Variants in SORCS3 observed in about 807,000 individuals in gnomAD.
SORCS3 encodes the protein sortilin related VPS10 domain containing receptor 3.
A neutral mutation model predicts 146.3 loss-of-function variants in SORCS3; 57 were observed. That is an observed-to-expected ratio of 0.39 (90% CI 0.31 to 0.49). The LOEUF is 0.49. Among genes scored for constraint, SORCS3 ranks in the 20% least tolerant of loss-of-function variants. The pLI, the probability that SORCS3 is intolerant of heterozygous loss-of-function variation, is 0.92. For synonymous variants in SORCS3, 653 were observed against 618.5 expected, an observed-to-expected ratio of 1.06 and a Z score of -0.83; for missense variants, 1,341 against 1,575.5, an observed-to-expected ratio of 0.85 and a Z score of 2.52.
At chr10:104,874,547 G>C (rs1026888191) in intron 2 of SORCS3, among the ~76,000 whole-genome samples, 10 of 151,994 alleles carry the variant, frequency 6.6e-5, no homozygotes, top group African/African-American at 2.4e-4. Flanking sequence ...AACTATAGGG[G>C]CCCTCTGGAA....
At chr10:104,735,118 C>T (rs2133455337) in intron 1 of SORCS3, among the ~76,000 whole-genome samples, 1 of 152,306 alleles carries the variant, frequency 6.6e-6, no homozygotes, top group Middle Eastern at 3.4e-3. Flanking sequence ...AAGAGAAGGG[C>T]TCCCAGAGGG....
intron 1 of SORCS3, among the ~76,000 whole-genome samples, chr10:104,789,588 A>G (rs985091883): frequency 6.6e-6 from 1 of 152,220 alleles, no homozygotes; most frequent in African/African-American, 2.4e-5. Flanking sequence ...CCCTCTTCTC[A>G]GGATGTAGTT....
At chr10:105,014,874 C>T (rs1452717698) in intron 4 of SORCS3, among the ~76,000 whole-genome samples, 1 of 152,184 alleles carries the variant, frequency 6.6e-6, no homozygotes, top group Non-Finnish European at 1.5e-5. Flanking sequence ...CAAATGGGCC[C>T]TCACTAGACA....
At chr10:105,044,523 T>G (rs1435587911) in intron 5 of SORCS3, among the ~76,000 whole-genome samples, 1 of 152,174 alleles carries the variant, frequency 6.6e-6, no homozygotes, top group Non-Finnish European at 1.5e-5. Context: ...CTTAGGGATG[T>G]GCTGTGTGTG....
At chr10:104,744,707 C>T (rs940930637) in intron 1 of SORCS3, among the ~76,000 whole-genome samples, 4 of 152,142 alleles carry the variant, frequency 2.6e-5, no homozygotes, top group Admixed American at 6.5e-5. Context: ...ATCTGGACTC[C>T]GCCTCCATAC....
intron 3 of SORCS3, among the ~76,000 whole-genome samples, chr10:104,956,123 C>G (rs533004642): frequency 6.6e-5 from 10 of 152,254 alleles, no homozygotes; most frequent in African/African-American, 2.4e-4. Flanking sequence ...ATTTGGGGAA[C>G]TGTGATTTAG....
At chr10:104,885,493 T>G (rs2018673340) in intron 2 of SORCS3, among the ~76,000 whole-genome samples, 1 of 152,212 alleles carries the variant, frequency 6.6e-6, no homozygotes, top group Non-Finnish European at 1.5e-5. Context: ...ACTTTTAAAG[T>G]ACATCTTTAT....
chr10:104,913,557 G>A (rs2018992225), intron 2 of SORCS3, among the ~76,000 whole-genome samples: 1 of 152,148 alleles, frequency 6.6e-6, no homozygotes, highest in African/African-American at 2.4e-5. Flanking sequence ...ATTGATATTT[G>A]TTTATTCAGT....
intron 1 of SORCS3, among the ~76,000 whole-genome samples, chr10:104,835,534 C>A (rs1390756111): frequency 6.6e-6 from 1 of 152,176 alleles, no homozygotes; most frequent in Non-Finnish European, 1.5e-5. Context: ...ATTAAAGGTC[C>A]TCACTTCACT....
intron 4 of SORCS3, among the ~76,000 whole-genome samples, chr10:105,035,883 G>A (rs1421742551): frequency 2.0e-5 from 3 of 152,168 alleles, no homozygotes; most frequent in African/African-American, 4.8e-5. Flanking sequence ...TGAAAACCAG[G>A]TGTGCATCTA....
intron 20 of SORCS3, among the ~76,000 whole-genome samples, chr10:105,235,757 G>C (rs1366553350): frequency 6.6e-6 from 1 of 151,820 alleles, no homozygotes; most frequent in African/African-American, 2.4e-5. Flanking sequence ...TTGGATTTAG[G>C]GTTTCATGGG....
At chr10:104,745,763 A>C (rs1164588521) in intron 1 of SORCS3, among the ~76,000 whole-genome samples, 3 of 152,064 alleles carry the variant, frequency 2.0e-5, no homozygotes, top group Non-Finnish European at 4.4e-5. Context: ...CCCAGACACC[A>C]GCATTTCACT....
chr10:105,029,122 T>G (rs2055248621), intron 4 of SORCS3, among the ~76,000 whole-genome samples: 1 of 152,196 alleles, frequency 6.6e-6, no homozygotes, highest in South Asian at 2.1e-4. Flanking sequence ...GCTGGGGAAC[T>G]TTAAAGCTAC....
intron 1 of SORCS3, among the ~76,000 whole-genome samples, chr10:104,786,748 G>A (rs2017442019): frequency 6.6e-6 from 1 of 152,192 alleles, no homozygotes; most frequent in South Asian, 2.1e-4. Context: ...GGCTCCCTTG[G>A]TCTGTGACCC....
chr10:104,664,500 T>A (rs976562832), intron 1 of SORCS3: 1 of 152,188 alleles, frequency 6.6e-6, no homozygotes, highest in Non-Finnish European at 1.5e-5. Flanking sequence ...GGATAAACTG[T>A]TTGCTCAGTG....
At chr10:104,864,433 A>G (rs1467717961) in intron 2 of SORCS3, among the ~76,000 whole-genome samples, 1 of 152,090 alleles carries the variant, frequency 6.6e-6, no homozygotes, top group African/African-American at 2.4e-5. Flanking sequence ...TTTTATGTGC[A>G]CTGGCACCAA....
chr10:105,245,750 T>C (rs1204987274), intron 21 of SORCS3, 85 bp downstream of exon 21: 30 of 1,485,242 alleles, frequency 2.0e-5, no homozygotes, highest in Non-Finnish European at 2.7e-5. Context: ...TTGAGTGTGG[T>C]GGAAATTCCT....
chr10:104,705,225 G>GTTTTTT (rs11361828), intron 1 of SORCS3, among the ~76,000 whole-genome samples: 8 of 119,596 alleles, frequency 6.7e-5, no homozygotes, highest in Admixed American at 8.6e-5. Context: ...GCAGGCCTTC[G>GTTTTTT]TTTTTTTTTT....
intron 7 of SORCS3, among the ~76,000 whole-genome samples, chr10:105,115,233 C>T (rs757971295): frequency 6.6e-6 from 1 of 152,172 alleles, no homozygotes; most frequent in Non-Finnish European, 1.5e-5. Context: ...TTTCTCATCT[C>T]TGTAGAATGG....
Sources: allele counts gnomAD v4.1 joint callset (sites outside exome capture counted in the v4.1 genomes callset), GRCh38; gene constraint gnomAD v4.1.1; transcripts MANE v1.5; gene names NCBI Gene and HGNC (gene_info 2026-07-23, HGNC 2026-07-21).